TENM2: variants seen among roughly 807,000 people sequenced by gnomAD.
The protein encoded by TENM2 is teneurin transmembrane protein 2.
TENM2 carries 52 observed loss-of-function variants against 245.2 expected under a neutral mutation model. The observed-to-expected ratio is 0.21, with a 90% CI of 0.17 to 0.27. The LOEUF (loss-of-function observed/expected upper bound fraction) is 0.27, where lower values mean the gene tolerates loss of function less well. Ranked by LOEUF, TENM2 falls within the 10% of genes least tolerant of loss-of-function variation. The pLI is 1.00. For missense variants in TENM2, 3,046 were observed against 3,666.8 expected (o/e 0.83, Z 4.37); for synonymous variants, 1,363 against 1,438.9 (o/e 0.95, Z 1.19).
chr5:167,707,934 G>T (rs538926228), intron 2 of TENM2, among the ~76,000 whole-genome samples: 1 of 152,292 alleles, frequency 6.6e-6, no homozygotes, highest in African/African-American at 2.4e-5. Context: ...ATTAGGTATG[G>T]TTTACCAAGG....
intron 2 of TENM2, among the ~76,000 whole-genome samples, chr5:167,633,824 T>TA (rs1298599359): frequency 7.2e-5 from 11 of 152,196 alleles, no homozygotes; most frequent in Admixed American, 7.2e-4. Context: ...AAATATATCT[T>TA]AAAGAATGTA....
chr5:167,784,081 T>C (rs1764396509), intron 2 of TENM2, among the ~76,000 whole-genome samples: 1 of 152,178 alleles, frequency 6.6e-6, no homozygotes, highest in African/African-American at 2.4e-5. Flanking sequence ...TTAGGTTTAA[T>C]TTAATTGAGA....
intron 2 of TENM2, among the ~76,000 whole-genome samples, chr5:167,476,014 G>A (rs1767348126): frequency 6.6e-6 from 1 of 152,084 alleles, no homozygotes; most frequent in Admixed American, 6.6e-5. Context: ...AAGTATTTAA[G>A]TGAGAAGAAT....
the TENM2 span, among the ~76,000 whole-genome samples, chr5:167,218,504 G>A: frequency 2.6e-5 from 4 of 151,956 alleles, no homozygotes; most frequent in Admixed American, 2.0e-4. Context: ...GGGAGCTGCC[G>A]TCTTCTGGGT....
At chr5:167,265,507 A>G in the TENM2 span, among the ~76,000 whole-genome samples, 1 of 152,142 alleles carries the variant, frequency 6.6e-6, no homozygotes, top group Non-Finnish European at 1.5e-5. Context: ...GGTTCCACAC[A>G]TGCAAAATTA....
At position 167,872,550 on chromosome 5, in the gene TENM2, G is replaced by A. The variant is rs559973354; in HGVS notation, c.503-3436G>A. Among the ~76,000 whole-genome samples, 354 of 41,920 alleles carry A rather than the reference G, an allele frequency of 8.4e-3. 2 individuals carry two copies. The highest frequency in any genetic ancestry group is 0.02 in the African/African-American group (308 of 15,774). The allele number at this position is 41,920 out of a possible 152,430, so 27.5% of individuals were successfully genotyped here. On this transcript the variant is annotated intron_variant, in intron 2 of 28. Transcript: ENST00000518659. The stretch of plus-strand genomic sequence containing the variant: ...AAAGAAAGAAAGAAAGAAAGAAAGA[G>A]AAAGAAAGAAAGAAAGAAAGAAAGA...
At chr5:168,002,733 C>T (rs1784505361) in intron 5 of TENM2, among the ~76,000 whole-genome samples, 1 of 152,204 alleles carries the variant, frequency 6.6e-6, no homozygotes, top group South Asian at 2.1e-4. Context: ...ATTTGTTACT[C>T]TGTACATTAA....
intron 10 of TENM2, 101 bp from the exon 13 acceptor site, chr5:168,124,749 T>G (rs1443130688): frequency 1.8e-6 from 2 of 1,106,672 alleles, no homozygotes; most frequent in Non-Finnish European, 2.6e-6. Context: ...TGGGAACTGG[T>G]GACCCACTGG....
At chr5:167,645,662 C>T (rs755455582) in intron 2 of TENM2, among the ~76,000 whole-genome samples, 6 of 148,760 alleles carry the variant, frequency 4.0e-5, no homozygotes, top group South Asian at 4.2e-4. Flanking sequence ...GATGCTTTTT[C>T]GTAAGACTTT....
chr5:168,247,130 G>A lies in TENM2; in HGVS notation c.6191G>A (p.Arg2064Lys), dbSNP rs757456460. Residue 2064 changes from arginine (R) to lysine (K), a missense_variant, in exon 27 of 29, where the codon AGG (arginine) becomes AAG (lysine). Arg to Lys is a conservative substitution (Grantham distance 26). This residue lies in a region of TENM2 where 2,704 missense variants were observed against 3,331.9 expected (regional missense o/e 0.81). Coordinates refer to ENST00000518659, the Ensembl canonical transcript of TENM2. The surrounding 1 kb of genome is among the most constrained non-coding windows in gnomAD (Gnocchi z 7.8). ...AGTGGGGGCTTCTCCTGCACCATCA[G>A]GTACCGGAAGATTGGCCCCCTGGTG... 6.2e-7 allele frequency: 1 copy of A among 1,613,940 alleles called. No individual in the cohort carries two copies. Among genetic ancestry groups the A allele is most frequent in the Non-Finnish European group, 8.5e-7 (1 of 1,179,892 alleles).
intron 9 of TENM2, among the ~76,000 whole-genome samples, chr5:168,113,760 T>C (rs1010709646): frequency 8.5e-5 from 13 of 152,208 alleles, no homozygotes; most frequent in African/African-American, 2.9e-4. Context: ...TTTTCTTCTG[T>C]GGGAGTCTTA....
chr5:167,251,886 G>C, the TENM2 span, among the ~76,000 whole-genome samples: 1 of 152,154 alleles, frequency 6.6e-6, no homozygotes, highest in Middle Eastern at 3.2e-3. Context: ...CTGAAGGATA[G>C]ATAATGTTGG....
the TENM2 span, among the ~76,000 whole-genome samples, chr5:167,008,843 T>G: frequency 3.3e-5 from 5 of 152,056 alleles, no homozygotes; most frequent in South Asian, 2.1e-4. Context: ...CCTATTTGGG[T>G]CAGTGTGCAC....
intron 9 of TENM2, among the ~76,000 whole-genome samples, chr5:168,117,998 C>T (rs548667168): frequency 6.6e-6 from 1 of 152,348 alleles, no homozygotes; most frequent in Admixed American, 6.5e-5. Context: ...GGGACCATGA[C>T]TGTAGCCTCC....
At chr5:167,968,669 A>G (rs952775560) in intron 4 of TENM2, among the ~76,000 whole-genome samples, 2 of 152,148 alleles carry the variant, frequency 1.3e-5, no homozygotes, top group African/African-American at 2.4e-5. Flanking sequence ...TAACACTGGT[A>G]TGTTCTTAGA....
At chr5:167,694,836 C>G (rs1359331309) in intron 2 of TENM2, among the ~76,000 whole-genome samples, 1 of 152,060 alleles carries the variant, frequency 6.6e-6, no homozygotes, top group Non-Finnish European at 1.5e-5. Flanking sequence ...TTAATGTTTA[C>G]ATGCAGAAAA....
At chr5:167,352,494 C>G (rs745715730) in intron 1 of TENM2, among the ~76,000 whole-genome samples, 1 of 152,104 alleles carries the variant, frequency 6.6e-6, no homozygotes, top group African/African-American at 2.4e-5. Flanking sequence ...CCACGTGATC[C>G]TCCCCTTTTT....
intron 9 of TENM2, among the ~76,000 whole-genome samples, chr5:168,107,044 TGAGAGAAAGAGACAGA>T (rs1157194446): frequency 2.0e-5 from 3 of 151,794 alleles, no homozygotes; most frequent in African/African-American, 4.8e-5. Flanking sequence ...TGTGCAGTGG[TGAGAGAAAGAGACAGA>T]GAGAGAAAGA....
At chr5:167,005,755 G>A in the TENM2 span, among the ~76,000 whole-genome samples, 563 of 148,956 alleles carry the variant, frequency 3.8e-3, 5 homozygotes, top group African/African-American at 0.012. Context: ...TCTGCCTCCC[G>A]GGTTCAAGTG....
Sources: allele counts gnomAD v4.1 joint callset (sites outside exome capture counted in the v4.1 genomes callset), GRCh38; gene constraint gnomAD v4.1.1; regional missense constraint gnomAD v4.1.1; non-coding constraint Gnocchi (gnomAD v3.1); transcripts MANE v1.5; gene names NCBI Gene and HGNC (gene_info 2026-07-23, HGNC 2026-07-21).